CCDC175: variants seen among roughly 807,000 people sequenced by gnomAD.
CCDC175 encodes the protein coiled-coil domain containing 175, also known as coiled-coil domain-containing protein 175.
In CCDC175, 100 loss-of-function variants were observed where a neutral mutation model predicts 114.6. The ratio of observed to expected loss-of-function variants is 0.87; its 90% CI spans 0.74 to 1.03. The LOEUF (loss-of-function observed/expected upper bound fraction) is 1.03, where lower values mean the gene tolerates loss of function less well. CCDC175 is among the 50% of genes least tolerant of loss of function. CCDC175 has a pLI of 0.00. For missense variants in CCDC175, 880 were observed against 917.8 expected, an observed-to-expected ratio of 0.96 and a Z score of 0.53; for synonymous variants, 306 against 308.7, an observed-to-expected ratio of 0.99 and a Z score of 0.09.
intron 17 of CCDC175, among the ~76,000 whole-genome samples, chr14:59,519,344 A>G (rs1336226667): frequency 2.0e-5 from 3 of 152,212 alleles, no homozygotes; most frequent in Non-Finnish European, 1.5e-5. Context: ...CTTGAAATGA[A>G]TTAGAAATCT....
rs544984829 is a variant in CCDC175, at chr14:59,538,738, A to G, written c.1458T>C (p.Asn486=). Reference sequence around the variant, plus strand: ...GTAATTCAATTCGTCTAACTTCTGCATTCTGAATTTTTTCTGTAATAGCTT... The same window carrying G: ...GTAATTCAATTCGTCTAACTTCTGCGTTCTGAATTTTTTCTGTAATAGCTT... The part of the protein sequence containing the change: ...EIQAITEKIQ[N]AEVRRIELLN... Residue 486 remains asparagine (N), a synonymous_variant, in exon 12 of 20, where the codon AAT becomes AAC. Transcript: ENST00000537690. 2.0e-6 allele frequency: 3 copies of G among 1,536,558 alleles called. No homozygotes were observed. In the East Asian group the frequency reaches 7.3e-5, roughly 38 times the overall value.
At chr14:59,552,170 C>G (rs1895547787) in intron 7 of CCDC175, among the ~76,000 whole-genome samples, 1 of 152,244 alleles carries the variant, frequency 6.6e-6, no homozygotes, top group South Asian at 2.1e-4. Context: ...AGACTGCCTC[C>G]TCAAGTGGGT....
intron 19 of CCDC175, among the ~76,000 whole-genome samples, chr14:59,507,520 C>T (rs1361292496): frequency 1.3e-5 from 2 of 152,160 alleles, no homozygotes; most frequent in Non-Finnish European, 2.9e-5. Flanking sequence ...CAGTGACTAT[C>T]ATGGCCAGAA....
intron 3 of CCDC175, among the ~76,000 whole-genome samples, chr14:59,570,459 C>A (rs540126315): frequency 8.6e-5 from 13 of 151,752 alleles, no homozygotes; most frequent in African/African-American, 3.1e-4. Context: ...TTATTAAGAC[C>A]ACTCTTTTTA....
rs540736057 is a variant in CCDC175 at position 59,534,183 on chromosome 14, C to T, written c.1624-2273G>A. Among the ~76,000 whole-genome samples, 121 of 152,174 alleles carry T rather than the reference C, an allele frequency of 8.0e-4. 2 individuals carry two copies. The highest frequency in any genetic ancestry group is 1.5e-5 in the Non-Finnish European group (1 of 68,014). Reference sequence around the variant, plus strand: ...GTTCTCTGAAAGAGACTGTGGGGTACTAGGTTCAGTGTAGCAAGTTGCTTG... The same window carrying T: ...GTTCTCTGAAAGAGACTGTGGGGTATTAGGTTCAGTGTAGCAAGTTGCTTG... On this transcript the variant is annotated intron_variant, in intron 13 of 19. Transcript: ENST00000537690.
chr14:59,518,949 A>T (rs1468793551), intron 17 of CCDC175, among the ~76,000 whole-genome samples: 1 of 152,272 alleles, frequency 6.6e-6, no homozygotes, highest in Non-Finnish European at 1.5e-5. Flanking sequence ...CTGGATTAAG[A>T]ATATGGGGCA....
intron 17 of CCDC175, among the ~76,000 whole-genome samples, chr14:59,516,690 CA>C (rs1003143557): frequency 1.3e-5 from 2 of 151,964 alleles, no homozygotes; most frequent in Non-Finnish European, 2.9e-5. Context: ...GCTTACCAAC[CA>C]AAAAAAGTCC....
intron 7 of CCDC175, among the ~76,000 whole-genome samples, chr14:59,558,416 G>A (rs773995366): frequency 6.6e-6 from 1 of 152,168 alleles, no homozygotes; most frequent in East Asian, 1.9e-4. Flanking sequence ...GATCACGGCT[G>A]TTCAGGCTAA....
chr14:59,506,357 G>T (rs980436208), intron 19 of CCDC175, among the ~76,000 whole-genome samples: 2 of 149,002 alleles, frequency 1.3e-5, no homozygotes, highest in Admixed American at 1.4e-4. Context: ...ATGCGATCTC[G>T]GCTCACTGCA....
At chr14:59,528,841 T>C (rs1893898108) in intron 14 of CCDC175, among the ~76,000 whole-genome samples, 1 of 152,230 alleles carries the variant, frequency 6.6e-6, no homozygotes, top group Admixed American at 6.5e-5. Flanking sequence ...TTTGTTATTA[T>C]ACTTTTAATT....
intron 15 of CCDC175, 62 bp downstream of exon 15, chr14:59,527,033 C>A: frequency 1.2e-6 from 1 of 845,618 alleles, no homozygotes; most frequent in South Asian, 2.0e-5. Flanking sequence ...TAAATACTAC[C>A]ATCTGTATAT....
intron 7 of CCDC175, among the ~76,000 whole-genome samples, chr14:59,560,765 G>T (rs4901940): frequency 0.44 from 67,473 of 151,920 alleles, 17,141 homozygotes; most frequent in East Asian, 0.78. Context: ...AACTCTAACA[G>T]CATGGGTAGA....
In CCDC175 at chr14:59,545,294, A is replaced by C. The variant is rs1895037227; in HGVS notation, c.1041T>G (p.Val347=). Reference sequence around the variant, plus strand: ...CCATACGAGCAGCATGCAGTGTTTCAACCAGCTAGAGAAAAACAAAGGAGG... The same window carrying C: ...CCATACGAGCAGCATGCAGTGTTTCCACCAGCTAGAGAAAAACAAAGGAGG... ...NEFLNKIKQL[V]ETLHAARMEY... Residue 347 remains valine (V), a synonymous_variant, in exon 9 of 20, where the codon GTT becomes GTG. Transcript: ENST00000537690. 6.5e-7 allele frequency: 1 copy of C among 1,536,314 alleles called. No homozygotes were observed. Among genetic ancestry groups the C allele is most frequent in the African/African-American group, 1.4e-5 (1 of 72,972 alleles).
intron 3 of CCDC175, among the ~76,000 whole-genome samples, chr14:59,569,746 G>T (rs1408555427): frequency 1.3e-5 from 2 of 152,040 alleles, no homozygotes; most frequent in African/African-American, 2.4e-5. Flanking sequence ...TATCAGTCAG[G>T]GTCCAATTAG....
chr14:59,506,912 T>A (rs964870295), intron 19 of CCDC175, among the ~76,000 whole-genome samples: 3 of 152,172 alleles, frequency 2.0e-5, no homozygotes, highest in African/African-American at 7.2e-5. Context: ...ATATATTTGG[T>A]TAATACACAA....
At chr14:59,547,754 C>T (rs1306965067) in intron 8 of CCDC175, among the ~76,000 whole-genome samples, 1 of 152,012 alleles carries the variant, frequency 6.6e-6, no homozygotes, top group Non-Finnish European at 1.5e-5. Context: ...TCAATGGTAA[C>T]AGAAGAGAAT....
At chr14:59,570,748 T>TGTTTGTTC (rs1293242351) in intron 3 of CCDC175, among the ~76,000 whole-genome samples, 2 of 151,780 alleles carry the variant, frequency 1.3e-5, no homozygotes, top group South Asian at 2.1e-4. Context: ...TGTTTTTGTT[T>TGTTTGTTC]GTTTTTGTTT....
rs1895816173 is a variant in CCDC175 at position 59,555,311 on chromosome 14, C to T, written c.954-3875G>A. On this transcript the variant is annotated intron_variant, in intron 7 of 19. Coordinates refer to ENST00000537690, the MANE Select transcript of CCDC175 (RefSeq NM_001164399.2). The stretch of plus-strand genomic sequence containing the variant: ...CCTGGGATTCAAGGCTGGTTCAACA[C>T]ATGCAAATCAATAAACGTAATCCAG... Among the ~76,000 whole-genome samples the T allele has an allele frequency of 3.3e-5, 5 of 152,202 alleles. No homozygotes were observed. The South Asian group carries it at 1.0e-3, about 32-fold the overall frequency.
chr14:59,576,221 T>A (rs17255933), intron 1 of CCDC175, among the ~76,000 whole-genome samples: 41,466 of 152,098 alleles, frequency 0.27, 5,738 homozygotes, highest in South Asian at 0.36. Flanking sequence ...GCTTGTTAAA[T>A]TCTCCAGTTT....
Sources: gnomAD v4.1 joint callset for allele counts (sites outside exome capture counted in the v4.1 genomes callset) on GRCh38, gnomAD v4.1.1 for gene constraint, MANE v1.5 for transcripts, NCBI Gene and HGNC (gene_info 2026-07-23, HGNC 2026-07-21) for gene names.